Variants in ZNF160 observed in about 807,000 individuals in gnomAD.
The protein encoded by ZNF160 is KRAB zinc finger protein KR18.
In ZNF160, 9 loss-of-function variants were observed where a neutral mutation model predicts 13.1. The observed-to-expected ratio is 0.69, with a 90% CI of 0.41 to 1.20. ZNF160 has a LOEUF of 1.20. Among genes scored for constraint, ZNF160 ranks in the 50% most tolerant of loss-of-function variants. The pLI, the probability that ZNF160 is intolerant of heterozygous loss-of-function variation, is 0.01. For synonymous variants in ZNF160, 293 were observed against 333.2 expected (o/e 0.88, Z 1.31); for missense variants, 838 against 988.0 (o/e 0.85, Z 2.04).
At chr19:53,085,892 G>T in intron 3 of ZNF160, 1 of 716,738 alleles carries the variant, frequency 1.4e-6, no homozygotes, top group Non-Finnish European at 2.3e-6. Flanking sequence ...GCAGGTACGT[G>T]TGCACCTGAC....
chr19:53,078,441 TAGA>T (rs576232149), intron 3 of ZNF160, among the ~76,000 whole-genome samples: 79 of 147,762 alleles, frequency 5.3e-4, no homozygotes, highest in Middle Eastern at 3.8e-3. Flanking sequence ...GAAAATGAAA[TAGA>T]AGAATGATGA....
rs148362478 is a variant in ZNF160 at position 53,071,056 on chromosome 19, C to T, written c.272-794G>A. 1.1e-4 allele frequency among the ~76,000 whole-genome samples: 17 copies of T among 151,864 alleles called. No individual in the cohort carries two copies. In the East Asian group the frequency reaches 2.6e-3, roughly 23 times the overall value. Reference sequence around the variant, plus strand: ...ACTAAAAATACAAAAATTAGTCAGGCGTGGTGGCATGCGCCTATAGTCCCA... The same window carrying T: ...ACTAAAAATACAAAAATTAGTCAGGTGTGGTGGCATGCGCCTATAGTCCCA... On this transcript the variant is annotated intron_variant, in intron 5 of 5. Coordinates refer to ENST00000683776, the MANE Select transcript of ZNF160 (RefSeq NM_001322131.2).
intron 2 of ZNF160, among the ~76,000 whole-genome samples, chr19:53,088,103 T>C (rs1272054030): frequency 6.6e-6 from 1 of 152,086 alleles, no homozygotes. Flanking sequence ...ACAAGAAAGT[T>C]CTGGAGACAC....
At chr19:53,078,728 C>A (rs180802327) in intron 3 of ZNF160, among the ~76,000 whole-genome samples, 2 of 151,964 alleles carry the variant, frequency 1.3e-5, no homozygotes, top group Non-Finnish European at 2.9e-5. Flanking sequence ...GAGAACTTAA[C>A]CTACTGTGTC....
chr19:53,099,934 C>T (rs1462014483), intron 1 of ZNF160, among the ~76,000 whole-genome samples: 4 of 152,210 alleles, frequency 2.6e-5, no homozygotes, highest in East Asian at 1.9e-4. Context: ...GACTTTCTCA[C>T]GCCTCCCCTG....
rs796290966 is a variant in ZNF160 at position 53,078,241 on chromosome 19, GA to G, written c.16-3059del. Reference sequence around the variant, plus strand: ...GGAAACAAGAGTTGCCACCTCAGGGGAAAAAAAAAATACACAAAATTAGCTG... The same window carrying G: ...GGAAACAAGAGTTGCCACCTCAGGGGAAAAAAAAATACACAAAATTAGCTG... On this transcript the variant is annotated intron_variant, in intron 3 of 5. Coordinates refer to ENST00000683776, the MANE Select transcript of ZNF160 (RefSeq NM_001322131.2). Among the ~76,000 whole-genome samples the G allele has an allele frequency of 7.0e-4, 103 of 146,132 alleles. 1 individual carries two copies. The highest frequency in any genetic ancestry group is 2.2e-3 in the African/African-American group (86 of 39,804).
intron 1 of ZNF160, among the ~76,000 whole-genome samples, chr19:53,099,290 G>A (rs531437137): frequency 3.9e-5 from 6 of 152,270 alleles, no homozygotes; most frequent in African/African-American, 1.4e-4. Context: ...GATGATTTGG[G>A]GACATAGGGT....
chr19:53,103,063 G>A (rs1000731631), intron 1 of ZNF160, among the ~76,000 whole-genome samples: 60 of 152,318 alleles, frequency 3.9e-4, no homozygotes, highest in African/African-American at 1.4e-3. Flanking sequence ...AGGGCAGGCG[G>A]TGAGGACTTT....
At chr19:53,077,668 CAA>C (rs57869247) in intron 3 of ZNF160, among the ~76,000 whole-genome samples, 2,034 of 51,020 alleles carry the variant, frequency 0.04, 11 homozygotes, top group Middle Eastern at 0.22. Flanking sequence ...GACTCCATCT[CAA>C]AAAAAAAAAA....
intron 3 of ZNF160, among the ~76,000 whole-genome samples, chr19:53,083,103 T>A (rs2084694683): frequency 6.6e-6 from 1 of 152,166 alleles, no homozygotes; most frequent in Non-Finnish European, 1.5e-5. Flanking sequence ...CCCTCAGGAA[T>A]CTCCACGTGT....
At chr19:53,082,281 T>A (rs1343307460) in intron 3 of ZNF160, among the ~76,000 whole-genome samples, 2 of 152,046 alleles carry the variant, frequency 1.3e-5, no homozygotes, top group Admixed American at 1.3e-4. Context: ...TTAAAATGAA[T>A]CAAATAAAAG....
At chr19:53,074,401 C>T (rs867548094) in intron 4 of ZNF160, 133 bp from the exon 5 acceptor site, 1 of 1,410,534 alleles carries the variant, frequency 7.1e-7, no homozygotes, top group African/African-American at 1.5e-5. Context: ...GGCGCGGTGG[C>T]TCATGCCTGT....
At chr19:53,097,434 C>G (rs1003613318) in intron 1 of ZNF160, among the ~76,000 whole-genome samples, 1 of 151,228 alleles carries the variant, frequency 6.6e-6, no homozygotes, top group African/African-American at 2.5e-5. Context: ...TCCCACACTC[C>G]CCATATACTT....
chr19:53,094,032 T>C lies in ZNF160; in HGVS notation c.-353-2312A>G, dbSNP rs539209843. Reference sequence around the variant, plus strand: ...TGCACATGCTCCAATGAGACCCCGATATCATACAAGGTAACACTCCAAACT... The same window carrying C: ...TGCACATGCTCCAATGAGACCCCGACATCATACAAGGTAACACTCCAAACT... On this transcript the variant is annotated intron_variant, in intron 1 of 5. Coordinates refer to ENST00000683776, the MANE Select transcript of ZNF160 (RefSeq NM_001322131.2). Among the ~76,000 whole-genome samples the C allele has an allele frequency of 2.6e-5, 4 of 152,184 alleles. No homozygotes were observed. The South Asian group carries it at 8.3e-4, about 31-fold the overall frequency.
intron 2 of ZNF160, among the ~76,000 whole-genome samples, chr19:53,090,853 A>T (rs1010728274): frequency 6.6e-6 from 1 of 152,184 alleles, no homozygotes; most frequent in Non-Finnish European, 1.5e-5. Flanking sequence ...GCGGGTGAGG[A>T]CCTTACAAGG....
chr19:53,083,463 G>A (rs948964456), intron 3 of ZNF160, among the ~76,000 whole-genome samples: 3 of 152,196 alleles, frequency 2.0e-5, no homozygotes, highest in Non-Finnish European at 4.4e-5. Context: ...GGTAGATAAA[G>A]ATAAAGCATA....
At chr19:53,095,062 C>A (rs1443007480) in intron 1 of ZNF160, among the ~76,000 whole-genome samples, 6 of 144,334 alleles carry the variant, frequency 4.2e-5, no homozygotes, top group Admixed American at 1.4e-4. Flanking sequence ...CCCCACTGCC[C>A]AGGCCCCGCC....
intron 1 of ZNF160, among the ~76,000 whole-genome samples, chr19:53,101,108 G>A (rs1036936423): frequency 4.0e-5 from 6 of 150,596 alleles, no homozygotes; most frequent in South Asian, 2.1e-4. Context: ...GTGAAATCCC[G>A]TCTCTACTAA....
chr19:53,073,772 G>A (rs1291925946), intron 5 of ZNF160, among the ~76,000 whole-genome samples: 1 of 151,744 alleles, frequency 6.6e-6, no homozygotes, highest in Non-Finnish European at 1.5e-5. Context: ...CATCTGCAGA[G>A]AGTTTCCCAC....
Sources: allele counts gnomAD v4.1 joint callset (sites outside exome capture counted in the v4.1 genomes callset), GRCh38; gene constraint gnomAD v4.1.1; transcripts MANE v1.5; gene names NCBI Gene and HGNC (gene_info 2026-07-23, HGNC 2026-07-21).